Variants in RSRC2 observed in about 807,000 individuals in gnomAD.
The protein encoded by RSRC2 is arginine and serine rich coiled-coil 2.
A neutral mutation model predicts 61.3 loss-of-function variants in RSRC2; 5 were observed. The ratio of observed to expected loss-of-function variants is 0.08; its 90% confidence interval spans 0.04 to 0.17. The LOEUF (loss-of-function observed/expected upper bound fraction) is 0.17. RSRC2 is among the 10% of genes least tolerant of loss of function. The pLI is 1.00. For synonymous variants in RSRC2, 202 were observed against 166.5 expected (o/e 1.21, Z -1.64); for missense variants, 381 against 518.8 (o/e 0.73, Z 2.58).
chr12:122,519,655 C>T (rs1412885370), intron 3 of RSRC2: 6 of 152,652 alleles, frequency 3.9e-5, no homozygotes, highest in Admixed American at 3.9e-4. Flanking sequence ...GAGTATTACA[C>T]TTCATGTACC....
At chr12:122,523,737 C>A (rs1959604322) in intron 1 of RSRC2, 1 of 152,046 alleles carries the variant, frequency 6.6e-6, no homozygotes, top group Non-Finnish European at 1.5e-5. Context: ...TGTATTTTAA[C>A]AAATTTTAAA....
Position 122,517,020 on chromosome 12 carries a change from G to C in RSRC2, c.602+207C>G, listed in dbSNP as rs138949254. Among the ~76,000 whole-genome samples, 3 of 152,212 alleles carry C rather than the reference G, an allele frequency of 2.0e-5. No homozygotes were observed. In the East Asian group the frequency reaches 5.8e-4, roughly 29 times the overall value. ...ATAGGCCTATTCATACCTGCACTTC[G>C]CAAGAGATTTATCAATCACGAGAAT... is the stretch of plus-strand genomic sequence containing the variant. On this transcript the variant is annotated intron_variant, in intron 5 of 9. Transcript: ENST00000331738.
intron 5 of RSRC2, 109 bp downstream of exon 5, chr12:122,517,118 A>C: frequency 2.0e-6 from 3 of 1,489,060 alleles, no homozygotes. Flanking sequence ...ATTTTACCAT[A>C]ATCTATAAAT....
intron 7 of RSRC2, among the ~76,000 whole-genome samples, chr12:122,510,436 G>A (rs577377875): frequency 2.2e-4 from 33 of 152,224 alleles, no homozygotes; most frequent in African/African-American, 2.6e-4. Flanking sequence ...AGGCTGAGGC[G>A]GAGAATCGCT....
intron 7 of RSRC2, among the ~76,000 whole-genome samples, chr12:122,508,905 G>A (rs1426780531): frequency 1.3e-5 from 2 of 151,570 alleles, no homozygotes; most frequent in Admixed American, 6.6e-5. Flanking sequence ...GCAGTGAGTC[G>A]AGATCATGCC....
chr12:122,505,460 G>T lies in RSRC2; in HGVS notation c.*67C>A. ...ATGCAAGCTAGAGTGCTAGCTGTTT[G>T]GTGAACAAGGACGTGACATCAGAAC... On this transcript the variant is annotated 3_prime_UTR_variant, in exon 10 of 10. Transcript: ENST00000331738. The T allele has an allele frequency of 6.9e-7, 1 of 1,443,984 alleles. No homozygotes were observed. The highest frequency in any genetic ancestry group is 1.3e-5 in the South Asian group (1 of 79,388). The allele number at this position is 1,443,984 out of a possible 1,614,324, so 89.4% of individuals were successfully genotyped here.
intron 4 of RSRC2, among the ~76,000 whole-genome samples, chr12:122,518,158 G>A (rs751136292): frequency 2.6e-5 from 4 of 152,044 alleles, no homozygotes; most frequent in Non-Finnish European, 4.4e-5. Context: ...AGATTAGCTG[G>A]GTGTGGTGGC....
In RSRC2 at chr12:122,513,244, T is replaced by A. The variant is rs1438202355; in HGVS notation, c.725+1861A>T. 1.1e-3 allele frequency among the ~76,000 whole-genome samples: 53 copies of A among 47,136 alleles called. 1 individual carries two copies. The highest frequency in any genetic ancestry group is 1.6e-3 in the African/African-American group (38 of 24,022). The allele number at this position is 47,136 out of a possible 152,430, so 30.9% of individuals were successfully genotyped here. A position where few individuals can be genotyped will look rare whatever the true frequency, so the allele number is the denominator to read the frequency against. ...ATAAATAAATAAATAAATAAATAAA[T>A]AAAATAAAATAAAAATAAAAAATAA... On this transcript the variant is annotated intron_variant, in intron 6 of 9. Coordinates refer to ENST00000331738, the MANE Select transcript of RSRC2 (RefSeq NM_023012.6).
At chr12:122,525,345 C>A (rs1440746343) in intron 1 of RSRC2, among the ~76,000 whole-genome samples, 1 of 152,138 alleles carries the variant, frequency 6.6e-6, no homozygotes, top group African/African-American at 2.4e-5. Flanking sequence ...CATCGCACTC[C>A]AGCCTGGGCG....
chr12:122,519,951 A>T (rs1959173933), intron 3 of RSRC2: 1 of 152,854 alleles, frequency 6.5e-6, no homozygotes, highest in Non-Finnish European at 1.5e-5. Flanking sequence ...CTAAATTTTA[A>T]TTCTGGAAGG....
rs767119010 is a variant in RSRC2 at position 122,526,864 on chromosome 12, C to A, written c.-11G>T. The A allele has an allele frequency of 1.1e-5, 18 of 1,614,230 alleles. No individual in the cohort carries two copies. The Middle Eastern group carries it at 5.0e-4, about 44-fold the overall frequency. On this transcript the variant is annotated 5_prime_UTR_variant, in exon 1 of 10. Coordinates refer to ENST00000331738, the MANE Select transcript of RSRC2 (RefSeq NM_023012.6). ...GGTACCTACCGCCATAGTTCAGAGTCCCGGCCGCTAGAGCGGCGCCTCCAC... is the reference window on the plus strand; with the variant it reads ...GGTACCTACCGCCATAGTTCAGAGTACCGGCCGCTAGAGCGGCGCCTCCAC...
intron 6 of RSRC2, chr12:122,513,883 A>T: frequency 1.1e-6 from 1 of 893,498 alleles, no homozygotes; most frequent in Non-Finnish European, 1.3e-6. Context: ...CTCTACAAAA[A>T]ATACAAAAAT....
intron 7 of RSRC2, among the ~76,000 whole-genome samples, chr12:122,510,016 T>C (rs991877509): frequency 1.3e-5 from 2 of 152,012 alleles, no homozygotes; most frequent in Admixed American, 6.6e-5. Context: ...GAGATGGGGT[T>C]TTGCCATGTT....
At chr12:122,509,992 T>G (rs1958378196) in intron 7 of RSRC2, among the ~76,000 whole-genome samples, 1 of 152,258 alleles carries the variant, frequency 6.6e-6, no homozygotes, top group African/African-American at 2.4e-5. Context: ...TGGCTAATTT[T>G]TGTATTTTTA....
chr12:122,521,045 T>G (rs907839802), intron 3 of RSRC2: 4 of 252,908 alleles, frequency 1.6e-5, no homozygotes, highest in African/African-American at 6.8e-5. Context: ...GATTGCTGTT[T>G]AAAAATCCTG....
At chr12:122,507,870 C>T (rs1318494200) in intron 8 of RSRC2, 1 of 318,056 alleles carries the variant, frequency 3.1e-6, no homozygotes, top group African/African-American at 2.2e-5. Flanking sequence ...GATCTTGGCT[C>T]ACTGTATGTA....
chr12:122,514,944 G>A, intron 6 of RSRC2, 161 bp downstream of exon 6: 1 of 805,398 alleles, frequency 1.2e-6, no homozygotes, highest in South Asian at 2.0e-5. Flanking sequence ...CAAATGTTTA[G>A]GATGAGAATT....
At chr12:122,513,937 T>A in intron 6 of RSRC2, 1 of 285,682 alleles carries the variant, frequency 3.5e-6, no homozygotes, top group Non-Finnish European at 5.2e-6. Context: ...GAGGCTGAGG[T>A]GGGAGGATTG....
chr12:122,514,250 T>TTGTGTG (rs949028606), intron 6 of RSRC2, among the ~76,000 whole-genome samples: 4 of 143,918 alleles, frequency 2.8e-5, no homozygotes, highest in African/African-American at 7.7e-5. Context: ...AAATTTATTT[T>TTGTGTG]TGTGTGTGTG....
Sources: gnomAD v4.1 joint callset for allele counts (sites outside exome capture counted in the v4.1 genomes callset) on GRCh38, gnomAD v4.1.1 for gene constraint, MANE v1.5 for transcripts, NCBI Gene and HGNC (gene_info 2026-07-23, HGNC 2026-07-21) for gene names.